Variants in CUL2 observed in about 807,000 individuals in gnomAD.
CUL2 encodes cullin 2, also known as cullin-2.
In CUL2, 22 loss-of-function variants were observed where a neutral mutation model predicts 110.2. The ratio of observed to expected loss-of-function variants is 0.20; its 90% CI spans 0.14 to 0.28. The LOEUF (loss-of-function observed/expected upper bound fraction) is 0.28, where lower values mean the gene tolerates loss of function less well. Among genes scored for constraint, CUL2 ranks in the 10% least tolerant of loss-of-function variants. The probability of loss-of-function intolerance (pLI) is 1.00; values close to 1 mark genes in which losing one functional copy is unlikely to be tolerated. For synonymous variants in CUL2, 279 were observed against 293.2 expected (o/e 0.95, Z 0.49); for missense variants, 631 against 905.5 (o/e 0.70, Z 3.89).
chr10:35,096,183 G>A (rs1440439541), intron 2 of CUL2, among the ~76,000 whole-genome samples: 1 of 152,090 alleles, frequency 6.6e-6, no homozygotes, highest in Non-Finnish European at 1.5e-5. Context: ...CAGAGGCAGA[G>A]GTTTCAGTGA....
chr10:35,077,985 T>C (rs1023821014), intron 1 of CUL2, among the ~76,000 whole-genome samples: 1 of 152,166 alleles, frequency 6.6e-6, no homozygotes, highest in Non-Finnish European at 1.5e-5. Flanking sequence ...ATTCTTTTTT[T>C]GTATGTGTTT....
chr10:35,037,517 T>C (rs935527673), intron 9 of CUL2, among the ~76,000 whole-genome samples: 20 of 152,186 alleles, frequency 1.3e-4, no homozygotes, highest in African/African-American at 4.8e-4. Context: ...GGGTTTTGAC[T>C]ACATTGCCCT....
intron 1 of CUL2, among the ~76,000 whole-genome samples, chr10:35,086,759 A>C (rs1564747907): frequency 6.6e-6 from 1 of 152,212 alleles, no homozygotes; most frequent in African/African-American, 2.4e-5. Flanking sequence ...TAACAAGGGC[A>C]GGGACCAAAT....
At chr10:35,038,131 C>T (rs180919766) in intron 9 of CUL2, among the ~76,000 whole-genome samples, 30 of 152,118 alleles carry the variant, frequency 2.0e-4, no homozygotes, top group South Asian at 6.2e-4. Context: ...GCCTGGGCGA[C>T]GGAGCGAGAC....
intron 2 of CUL2, chr10:35,099,663 C>T (rs1002128641): frequency 1.3e-5 from 2 of 151,948 alleles, no homozygotes; most frequent in African/African-American, 4.8e-5. Context: ...ATGATCCTAG[C>T]TACTTGGGAG....
At chr10:35,015,074 C>G (rs2084992218) in intron 18 of CUL2, among the ~76,000 whole-genome samples, 1 of 152,002 alleles carries the variant, frequency 6.6e-6, no homozygotes, top group South Asian at 2.1e-4. Context: ...CACCTGAGGT[C>G]AGGAGTTCGA....
intron 1 of CUL2, among the ~76,000 whole-genome samples, chr10:35,113,224 G>A (rs542264294): frequency 2.0e-5 from 3 of 148,834 alleles, no homozygotes; most frequent in South Asian, 2.1e-4. Context: ...GGCCAGGTGC[G>A]GTGGCTCACT....
upstream of CUL2, among the ~76,000 whole-genome samples, chr10:35,092,212 C>G (rs1302204102): frequency 6.6e-6 from 1 of 152,216 alleles, no homozygotes; most frequent in Admixed American, 6.5e-5. Context: ...ACCTCAGCCT[C>G]CCAAAAGTTC....
intron 8 of CUL2, among the ~76,000 whole-genome samples, chr10:35,039,850 G>A (rs1342994322): frequency 2.0e-5 from 3 of 150,438 alleles, no homozygotes; most frequent in Non-Finnish European, 2.9e-5. Flanking sequence ...GTGAGACACT[G>A]TCTCAAAAAA....
chr10:35,082,469 G>A (rs1397109152), intron 1 of CUL2, among the ~76,000 whole-genome samples: 1 of 151,944 alleles, frequency 6.6e-6, no homozygotes, highest in Non-Finnish European at 1.5e-5. Context: ...TGGAAATGGT[G>A]GTTTTGGAAA....
At chr10:35,103,332 T>TA (rs1324944343) in intron 1 of CUL2, among the ~76,000 whole-genome samples, 1,295 of 77,834 alleles carry the variant, frequency 0.017, 8 homozygotes, top group African/African-American at 0.026. Flanking sequence ...TTTTTTTTTT[T>TA]ATTTTTTTTT....
intron 9 of CUL2, among the ~76,000 whole-genome samples, chr10:35,036,030 A>G (rs2085612772): frequency 6.6e-6 from 1 of 152,226 alleles, no homozygotes; most frequent in South Asian, 2.1e-4. Context: ...TCACAAGTGA[A>G]CACACAACAC....
intron 1 of CUL2, among the ~76,000 whole-genome samples, chr10:35,106,604 T>C (rs1294187306): frequency 1.3e-5 from 2 of 152,008 alleles, no homozygotes; most frequent in African/African-American, 4.8e-5. Flanking sequence ...AGTGCTGGGA[T>C]TACAGGTGTG....
intron 5 of CUL2, among the ~76,000 whole-genome samples, chr10:35,053,022 A>C (rs1462161740): frequency 6.6e-6 from 1 of 152,244 alleles, no homozygotes; most frequent in East Asian, 1.9e-4. Context: ...ATAACAAAAA[A>C]AAAGGCAAGA....
chr10:35,018,148 G>A (rs537686758), intron 17 of CUL2, among the ~76,000 whole-genome samples: 3 of 150,488 alleles, frequency 2.0e-5, no homozygotes, highest in South Asian at 2.1e-4. Flanking sequence ...CTAGCAGGGC[G>A]CAGTGGCGGA....
chr10:35,083,362 T>G (rs769873351), intron 1 of CUL2, among the ~76,000 whole-genome samples: 1 of 152,162 alleles, frequency 6.6e-6, no homozygotes, highest in Non-Finnish European at 1.5e-5. Context: ...CATAGATGTT[T>G]GTGTATGCAT....
At chr10:35,078,210 T>C (rs910125544) in intron 1 of CUL2, among the ~76,000 whole-genome samples, 10 of 152,042 alleles carry the variant, frequency 6.6e-5, no homozygotes, top group Admixed American at 5.9e-4. Flanking sequence ...TGTGTTAACA[T>C]AGCCTGACAA....
At chr10:35,064,480 C>A (rs1056210326) in intron 2 of CUL2, among the ~76,000 whole-genome samples, 10 of 152,152 alleles carry the variant, frequency 6.6e-5, no homozygotes, top group African/African-American at 2.2e-4. Flanking sequence ...TTAGCCTATT[C>A]TTCATCAACT....
chr10:35,096,118 T>C (rs1312054893), intron 2 of CUL2, among the ~76,000 whole-genome samples: 1 of 151,800 alleles, frequency 6.6e-6, no homozygotes, highest in Admixed American at 6.6e-5. Context: ...GCTGGTGGTG[T>C]GTGCCTGTAA....
Sources: allele counts gnomAD v4.1 joint callset (sites outside exome capture counted in the v4.1 genomes callset), GRCh38; gene constraint gnomAD v4.1.1; transcripts MANE v1.5; gene names NCBI Gene and HGNC (gene_info 2026-07-23, HGNC 2026-07-21).